Variants in MAP4K5 observed in about 807,000 individuals in gnomAD.
MAP4K5 encodes the protein MAPK/ERK kinase kinase kinase 5.
MAP4K5 carries 82 observed loss-of-function variants against 135.6 expected under a neutral mutation model. The observed-to-expected ratio is 0.60, with a 90% CI of 0.51 to 0.73. The LOEUF (loss-of-function observed/expected upper bound fraction) is 0.73, where lower values mean the gene tolerates loss of function less well. Ranked by LOEUF, MAP4K5 falls within the 30% of genes least tolerant of loss-of-function variation. The probability of loss-of-function intolerance (pLI) is 0.00; values close to 1 mark genes in which losing one functional copy is unlikely to be tolerated. For synonymous variants in MAP4K5, 347 were observed against 335.0 expected (o/e 1.04, Z -0.39); for missense variants, 907 against 1,010.9 (o/e 0.90, Z 1.39).
intron 2 of MAP4K5, among the ~76,000 whole-genome samples, chr14:50,541,279 T>C (rs970159768): frequency 2.0e-5 from 3 of 152,328 alleles, no homozygotes; most frequent in South Asian, 2.1e-4. Context: ...ATCATGGTAG[T>C]CTTTTATCTT....
At chr14:50,453,908 C>T (rs547010465) in intron 14 of MAP4K5, among the ~76,000 whole-genome samples, 1 of 152,242 alleles carries the variant, frequency 6.6e-6, no homozygotes, top group Admixed American at 6.5e-5. Flanking sequence ...TTGGACTACA[C>T]ATTTGCCCCT....
chr14:50,482,087 T>C (rs1355679850), intron 6 of MAP4K5, among the ~76,000 whole-genome samples: 1 of 152,194 alleles, frequency 6.6e-6, no homozygotes, highest in Non-Finnish European at 1.5e-5. Flanking sequence ...CACATGACCA[T>C]GGTGTGCATC....
At chr14:50,484,693 G>A (rs2037325844) in intron 5 of MAP4K5, among the ~76,000 whole-genome samples, 1 of 152,152 alleles carries the variant, frequency 6.6e-6, no homozygotes, top group Admixed American at 6.5e-5. Flanking sequence ...TTGAAGAGTA[G>A]TTTATTTAAC....
At chr14:50,445,287 A>T in intron 17 of MAP4K5, 93 bp from the exon 18 acceptor site, 1 of 1,151,716 alleles carries the variant, frequency 8.7e-7, no homozygotes, top group East Asian at 2.6e-5. Flanking sequence ...TCATTCTTCT[A>T]TACAGTTCAA....
chr14:50,527,411 CA>C (rs368632426), intron 2 of MAP4K5, among the ~76,000 whole-genome samples: 20,330 of 123,364 alleles, frequency 0.16, 2,370 homozygotes, highest in African/African-American at 0.37. Context: ...CCCTGTCATC[CA>C]AAAAAAAAAA....
intron 10 of MAP4K5, among the ~76,000 whole-genome samples, chr14:50,467,386 CTAT>C (rs1332711463): frequency 6.6e-6 from 1 of 151,972 alleles, no homozygotes; most frequent in Non-Finnish European, 1.5e-5. Context: ...TCCCACCATT[CTAT>C]TATTTAAAAT....
intron 28 of MAP4K5, among the ~76,000 whole-genome samples, chr14:50,433,964 A>C (rs2036032278): frequency 6.6e-6 from 1 of 152,206 alleles, no homozygotes; most frequent in Admixed American, 6.5e-5. Flanking sequence ...AAGGCTCGGA[A>C]GCAACACCTA....
At chr14:50,434,628 C>T (rs2036049238) in intron 27 of MAP4K5, 57 bp from the exon 28 acceptor site, 1 of 1,462,890 alleles carries the variant, frequency 6.8e-7, no homozygotes, top group Non-Finnish European at 9.3e-7. Context: ...CCATTCATAC[C>T]ACTGTTGAAT....
rs1360562230 is a variant in MAP4K5, at chr14:50,554,154, C to T, written c.-180+6886G>A. Among the ~76,000 whole-genome samples, 3 of 151,896 alleles carry T rather than the reference C, an allele frequency of 2.0e-5. No homozygotes were observed. The East Asian group carries it at 5.8e-4, about 29-fold the overall frequency. On this transcript the variant is annotated intron_variant, in intron 1 of 8. Transcript: ENST00000555216. ...AAAAACCAATACGTACCCTTAGAGG[C>T]ACTACCTGTTGTGCCTATATGCCTG...
intron 2 of MAP4K5, among the ~76,000 whole-genome samples, chr14:50,509,576 A>G (rs28375963): frequency 0.018 from 2,666 of 152,246 alleles, 69 homozygotes; most frequent in African/African-American, 0.061. Context: ...AATTTGATCC[A>G]AAGAAAACAG....
rs1392173378 is a variant in MAP4K5, at chr14:50,542,265, A to G, written c.-94+234T>C. The stretch of plus-strand genomic sequence containing the variant: ...GTGGACACAGGGAGGGGAACATCAC[A>G]CACCGGGGGCCTGTGGTGTCGGGGG... On this transcript the variant is annotated intron_variant, in intron 2 of 8. Coordinates refer to the MAP4K5 transcript ENST00000555216. 5.8e-5 allele frequency among the ~76,000 whole-genome samples: 7 copies of G among 120,744 alleles called. No individual in the cohort carries two copies. The East Asian group carries it at 2.1e-3, about 35-fold the overall frequency. The allele number at this position is 120,744 out of a possible 152,430, so 79.2% of individuals were successfully genotyped here. A position where few individuals can be genotyped will look rare whatever the true frequency, so the allele number is the denominator to read the frequency against.
chr14:50,451,928 T>TA (rs1222078221), intron 14 of MAP4K5, among the ~76,000 whole-genome samples: 2 of 152,186 alleles, frequency 1.3e-5, no homozygotes, highest in Admixed American at 1.3e-4. Flanking sequence ...AGGCTTGACT[T>TA]ACAAGTTTTC....
intron 3 of MAP4K5, among the ~76,000 whole-genome samples, chr14:50,489,616 G>C (rs1229513094): frequency 6.6e-6 from 1 of 152,088 alleles, no homozygotes; most frequent in Non-Finnish European, 1.5e-5. Flanking sequence ...ATCACTACCA[G>C]TCTGATCATA....
chr14:50,558,506 CTATT>C (rs1475174976), intron 1 of MAP4K5, among the ~76,000 whole-genome samples: 1 of 152,148 alleles, frequency 6.6e-6, no homozygotes, highest in Non-Finnish European at 1.5e-5. Context: ...ATACAGAGAG[CTATT>C]TATTTAAGCA....
intron 2 of MAP4K5, among the ~76,000 whole-genome samples, chr14:50,524,249 CT>C (rs1470204490): frequency 6.6e-6 from 1 of 152,166 alleles, no homozygotes; most frequent in Non-Finnish European, 1.5e-5. Context: ...TGCCTCATTT[CT>C]CTTTCCTGTC....
intron 10 of MAP4K5, among the ~76,000 whole-genome samples, chr14:50,468,195 A>C (rs1418681675): frequency 6.6e-6 from 1 of 152,186 alleles, no homozygotes; most frequent in Admixed American, 6.5e-5. Context: ...TCATTTACTT[A>C]TAATTCCACA....
upstream of MAP4K5, among the ~76,000 whole-genome samples, chr14:50,533,945 C>T (rs1028479967): frequency 2.0e-5 from 3 of 152,286 alleles, no homozygotes; most frequent in East Asian, 1.9e-4. Flanking sequence ...CTTACATGCT[C>T]CATGGACAAA....
intron 6 of MAP4K5, among the ~76,000 whole-genome samples, chr14:50,479,162 T>TC (rs1400915637): frequency 2.0e-5 from 3 of 148,210 alleles, no homozygotes; most frequent in African/African-American, 7.4e-5. Flanking sequence ...TTCCCTTTTT[T>TC]CTCTTTGTCT....
At chr14:50,451,156 G>C (rs910322414) in intron 14 of MAP4K5, among the ~76,000 whole-genome samples, 4 of 152,072 alleles carry the variant, frequency 2.6e-5, no homozygotes, top group Non-Finnish European at 5.9e-5. Context: ...TCCAAAAAAT[G>C]CTTGCCTGAA....
Sources: allele counts gnomAD v4.1 joint callset (sites outside exome capture counted in the v4.1 genomes callset), GRCh38; gene constraint gnomAD v4.1.1; transcripts MANE v1.5; gene names NCBI Gene and HGNC (gene_info 2026-07-23, HGNC 2026-07-21).